Variants in NAALADL2 observed in about 807,000 individuals in gnomAD.
The protein encoded by NAALADL2 is N-acetylated alpha-linked acidic dipeptidase like 2.
A neutral mutation model predicts 87.2 loss-of-function variants in NAALADL2; 76 were observed. The observed-to-expected ratio is 0.87, with a 90% CI of 0.72 to 1.05. The LOEUF is 1.05. Among genes scored for constraint, NAALADL2 ranks in the 50% least tolerant of loss-of-function variants. NAALADL2 has a pLI of 0.00. For missense variants in NAALADL2, 1,089 were observed against 945.8 expected, an observed-to-expected ratio of 1.15 and a Z score of -1.99; for synonymous variants, 354 against 331.0, an observed-to-expected ratio of 1.07 and a Z score of -0.75.
Position 175,206,296 on chromosome 3 carries a change from GTA to G in NAALADL2, c.546-27620_546-27619del, listed in dbSNP as rs571775445. Among the ~76,000 whole-genome samples the G allele has an allele frequency of 3.8e-3, 381 of 101,546 alleles. 17 individuals carry two copies. Among genetic ancestry groups the G allele is most frequent in the African/African-American group, 0.016 (313 of 19,734 alleles). The allele number at this position is 101,546 out of a possible 152,430, so 66.6% of individuals were successfully genotyped here. On this transcript the variant is annotated intron_variant, in intron 2 of 13. Transcript: ENST00000454872. ...TTTCACTGTGTGTGTGTATGTATGT[GTA>G]TATATATATATATACACATACATAC...
rs909725705 is a variant in NAALADL2, at chr3:175,510,979, T to A, written c.1653+39221T>A. 2.0e-4 allele frequency among the ~76,000 whole-genome samples: 31 copies of A among 152,292 alleles called. 2 individuals carry two copies. The highest frequency in any genetic ancestry group is 8.5e-4 in the Admixed American group (13 of 15,292). Reference sequence around the variant, plus strand: ...GTTACTATGGTGATGATGTTATCGGTCCTCTCTATAAAAGAGGTACTGGAC... The same window carrying A: ...GTTACTATGGTGATGATGTTATCGGACCTCTCTATAAAAGAGGTACTGGAC... On this transcript the variant is annotated intron_variant, in intron 9 of 13. Coordinates refer to ENST00000454872, the MANE Select transcript of NAALADL2 (RefSeq NM_207015.3).
intron 1 of NAALADL2, among the ~76,000 whole-genome samples, chr3:175,022,423 A>G (rs1440151732): frequency 6.6e-6 from 1 of 152,028 alleles, no homozygotes; most frequent in Admixed American, 6.6e-5. Context: ...TGACAAATGG[A>G]TTCTGATTTT....
At chr3:174,459,396 A>C (rs1716055729) in intron 1 of NAALADL2, 1 of 152,160 alleles carries the variant, frequency 6.6e-6, no homozygotes, top group African/African-American at 2.4e-5. Flanking sequence ...TATGTCTTAC[A>C]ATGGAGGAGA....
chr3:175,543,911 G>T (rs1352722236), intron 9 of NAALADL2, among the ~76,000 whole-genome samples: 1 of 152,128 alleles, frequency 6.6e-6, no homozygotes, highest in Admixed American at 6.5e-5. Flanking sequence ...ATACAGAAAG[G>T]CATCAAAAGG....
chr3:174,749,995 C>T (rs969206833), intron 3 of NAALADL2, among the ~76,000 whole-genome samples: 1 of 152,106 alleles, frequency 6.6e-6, no homozygotes, highest in Non-Finnish European at 1.5e-5. Context: ...GGACTGCCTT[C>T]CCATGGTTCC....
chr3:174,887,204 C>T (rs1368138488), intron 1 of NAALADL2, among the ~76,000 whole-genome samples: 1 of 152,102 alleles, frequency 6.6e-6, no homozygotes, highest in South Asian at 2.1e-4. Context: ...TTCCTTTTTG[C>T]CTGCTCTACA....
At chr3:175,019,053 T>C (rs571126930) in intron 1 of NAALADL2, among the ~76,000 whole-genome samples, 151 of 152,200 alleles carry the variant, frequency 9.9e-4, no homozygotes, top group African/African-American at 3.5e-3. Context: ...ATGCCCTTAA[T>C]CATTACTGAT....
At chr3:175,226,204 C>G (rs1040055479) in intron 2 of NAALADL2, among the ~76,000 whole-genome samples, 3 of 152,038 alleles carry the variant, frequency 2.0e-5, no homozygotes, top group African/African-American at 7.2e-5. Context: ...CGTTCTCTGG[C>G]AGATAATCCA....
In NAALADL2 at chr3:174,447,454, C is replaced by T. The variant is rs113567228; in HGVS notation, c.-184+6422C>T. Among the ~76,000 whole-genome samples, 820 of 152,214 alleles carry T rather than the reference C, an allele frequency of 5.4e-3. 7 individuals carry two copies. Among genetic ancestry groups the T allele is most frequent in the East Asian group, 0.041 (214 of 5,184 alleles). Reference sequence around the variant, plus strand: ...TGGAGAAAGTAGTTAAATAATTTAACGGGTAAGTTAAATATTCAGAACCAC... The same window carrying T: ...TGGAGAAAGTAGTTAAATAATTTAATGGGTAAGTTAAATATTCAGAACCAC... On this transcript the variant is annotated intron_variant, in intron 1 of 3. Transcript: ENST00000434257.
intron 1 of NAALADL2, among the ~76,000 whole-genome samples, chr3:174,877,326 G>C (rs16865436): frequency 0.039 from 5,894 of 152,102 alleles, 373 homozygotes; most frequent in African/African-American, 0.13. Context: ...TTATGAAGCT[G>C]GCCAGTGTAT....
At chr3:174,525,011 T>G (rs1720611811) in intron 1 of NAALADL2, among the ~76,000 whole-genome samples, 1 of 152,190 alleles carries the variant, frequency 6.6e-6, no homozygotes, top group Non-Finnish European at 1.5e-5. Flanking sequence ...ACTGTATAGG[T>G]TTGTTGCCTG....
At chr3:175,068,138 ACTGTGTTCACTAC>A (rs1054005998) in intron 1 of NAALADL2, among the ~76,000 whole-genome samples, 17 of 152,168 alleles carry the variant, frequency 1.1e-4, no homozygotes, top group Middle Eastern at 6.8e-3. Context: ...CCTTTTGGGT[ACTGTGTTCACTAC>A]CTGGATGTTG....
intron 1 of NAALADL2, among the ~76,000 whole-genome samples, chr3:175,027,781 C>G (rs1448651128): frequency 1.3e-5 from 2 of 152,088 alleles, no homozygotes; most frequent in African/African-American, 4.8e-5. Context: ...TTTTATATTT[C>G]TAGCAGTGAC....
chr3:174,966,299 A>G (rs1742858177), intron 1 of NAALADL2, among the ~76,000 whole-genome samples: 1 of 152,154 alleles, frequency 6.6e-6, no homozygotes, highest in Admixed American at 6.5e-5. Flanking sequence ...CTACATCCCC[A>G]ATGATGGCAA....
chr3:175,645,717 C>G (rs564391464), intron 11 of NAALADL2, among the ~76,000 whole-genome samples: 1 of 152,026 alleles, frequency 6.6e-6, no homozygotes, highest in Non-Finnish European at 1.5e-5. Context: ...ATAAGTCAGA[C>G]AAGAGGAAGG....
At chr3:175,146,480 A>C (rs1193986142) in intron 2 of NAALADL2, among the ~76,000 whole-genome samples, 1 of 152,120 alleles carries the variant, frequency 6.6e-6, no homozygotes, top group African/African-American at 2.4e-5. Context: ...GGCAAGCTAA[A>C]ATAATTATTG....
At chr3:174,460,114 A>G (rs1471794285) in intron 1 of NAALADL2, among the ~76,000 whole-genome samples, 1 of 152,170 alleles carries the variant, frequency 6.6e-6, no homozygotes, top group African/African-American at 2.4e-5. Context: ...TTAAACATGT[A>G]GACTAAAGCA....
intron 2 of NAALADL2, among the ~76,000 whole-genome samples, chr3:174,700,878 G>A (rs772446310): frequency 1.3e-5 from 2 of 152,140 alleles, no homozygotes; most frequent in African/African-American, 2.4e-5. Flanking sequence ...CTGACCTCAG[G>A]GAGAGGGATT....
intron 9 of NAALADL2, among the ~76,000 whole-genome samples, chr3:175,512,098 A>T (rs1038049697): frequency 1.3e-5 from 2 of 152,092 alleles, no homozygotes; most frequent in Admixed American, 1.3e-4. Context: ...TTGAAAATTA[A>T]CTTGGCATAG....
Sources: gnomAD v4.1 joint callset for allele counts (sites outside exome capture counted in the v4.1 genomes callset) on GRCh38, gnomAD v4.1.1 for gene constraint, MANE v1.5 for transcripts, NCBI Gene and HGNC (gene_info 2026-07-23, HGNC 2026-07-21) for gene names.